The following SGK3 variants were observed in gnomAD, a reference collection of about 807,000 sequenced individuals.
The protein encoded by SGK3 is serine/threonine-protein kinase Sgk3.
In SGK3, 47 loss-of-function variants were observed where a neutral mutation model predicts 68.5. That is an observed-to-expected ratio of 0.69 (90% CI 0.54 to 0.87). The LOEUF (loss-of-function observed/expected upper bound fraction) is 0.87, where lower values mean the gene tolerates loss of function less well. SGK3 is among the 40% of genes least tolerant of loss of function. The pLI is 0.00. For synonymous variants in SGK3, 181 were observed against 189.1 expected (o/e 0.96, Z 0.35); for missense variants, 479 against 575.5 (o/e 0.83, Z 1.72).
intron 1 of SGK3, among the ~76,000 whole-genome samples, chr8:66,727,208 C>G (rs574072140): frequency 2.0e-5 from 3 of 152,076 alleles, no homozygotes; most frequent in South Asian, 4.2e-4. Flanking sequence ...CTCAAGTGAC[C>G]CTCCCACCTA....
chr8:66,836,387 A>G (rs959537716), intron 10 of SGK3, among the ~76,000 whole-genome samples: 7 of 152,234 alleles, frequency 4.6e-5, no homozygotes, highest in Non-Finnish European at 8.8e-5. Context: ...AATTTAGGCA[A>G]TTATCTCAAC....
intron 1 of SGK3, among the ~76,000 whole-genome samples, chr8:66,732,734 A>G (rs1022779400): frequency 5.9e-5 from 9 of 152,180 alleles, no homozygotes; most frequent in Admixed American, 4.6e-4. Context: ...AATCCCAGCT[A>G]CTCAGGAGGC....
intron 1 of SGK3, among the ~76,000 whole-genome samples, chr8:66,744,481 G>GTATA (rs1805570127): frequency 2.7e-5 from 2 of 73,570 alleles, no homozygotes; most frequent in African/African-American, 7.6e-5. Flanking sequence ...ATGTGTGTGT[G>GTATA]TGTATATATA....
chr8:66,739,910 A>C (rs13258114), intron 1 of SGK3, among the ~76,000 whole-genome samples: 1 of 152,166 alleles, frequency 6.6e-6, no homozygotes, highest in Non-Finnish European at 1.5e-5. Flanking sequence ...ACTTACTATC[A>C]TGAGAACAGC....
At chr8:66,793,875 A>G (rs746791326) in intron 2 of SGK3, 43 bp downstream of exon 2, 1 of 1,585,836 alleles carries the variant, frequency 6.3e-7, no homozygotes, top group South Asian at 1.1e-5. Flanking sequence ...AGTTGAATGT[A>G]GAGAATATTT....
intron 1 of SGK3, among the ~76,000 whole-genome samples, chr8:66,772,319 C>T (rs2130492506): frequency 6.6e-6 from 1 of 150,632 alleles, no homozygotes; most frequent in Middle Eastern, 3.5e-3. Flanking sequence ...AACACCAAGG[C>T]TCAAGAAATC....
intron 1 of SGK3, among the ~76,000 whole-genome samples, chr8:66,723,100 T>TAC (rs1804849773): frequency 3.7e-5 from 1 of 27,350 alleles, no homozygotes; most frequent in African/African-American, 2.0e-4. Context: ...CATATATATA[T>TAC]ATATATATAT....
intron 1 of SGK3, among the ~76,000 whole-genome samples, chr8:66,746,551 G>T (rs948875258): frequency 6.6e-6 from 1 of 151,868 alleles, no homozygotes; most frequent in African/African-American, 2.4e-5. Context: ...GCAAGATCCT[G>T]TCTCTACATT....
At position 66,744,502 on chromosome 8, in the gene SGK3, TATATATATATATATA is replaced by T. The variant is rs1174810086; in HGVS notation, c.-122+31670_-122+31684del. On this transcript the variant is annotated intron_variant, in intron 1 of 16. Transcript: ENST00000521198. ...GTGTGTGTATATATATATATATATA[TATATATATATATATA>T]TATTTTTTTTTTTTTTTTTTTTTTT... 2.0e-3 allele frequency among the ~76,000 whole-genome samples: 67 copies of T among 34,152 alleles called. 2 individuals are homozygous for T. Among genetic ancestry groups the T allele is most frequent in the South Asian group, 5.0e-3 (4 of 806 alleles). The allele number at this position is 34,152 out of a possible 152,430, so 22.4% of individuals were successfully genotyped here.
chr8:66,801,216 TCTGAAAC>T (rs992222199), intron 3 of SGK3, among the ~76,000 whole-genome samples: 6 of 152,226 alleles, frequency 3.9e-5, no homozygotes, highest in African/African-American at 1.4e-4. Context: ...AAATCTGAAA[TCTGAAAC>T]GCCCCAGTGA....
At chr8:66,852,007 C>T (rs563196803) in intron 16 of SGK3, among the ~76,000 whole-genome samples, 14 of 152,186 alleles carry the variant, frequency 9.2e-5, no homozygotes, top group Admixed American at 2.0e-4. Flanking sequence ...CCAATATATG[C>T]GTGATTCCAG....
intron 4 of SGK3, among the ~76,000 whole-genome samples, chr8:66,805,373 G>A (rs1438730446): frequency 6.6e-6 from 1 of 151,968 alleles, no homozygotes; most frequent in African/African-American, 2.4e-5. Flanking sequence ...CAAAAAATTA[G>A]CCGGGCATGA....
intron 1 of SGK3, among the ~76,000 whole-genome samples, chr8:66,764,860 G>T (rs948315294): frequency 6.6e-6 from 1 of 152,056 alleles, no homozygotes; most frequent in Non-Finnish European, 1.5e-5. Flanking sequence ...TGTTTTCAAG[G>T]TTCATTCATT....
At chr8:66,813,780 CTATTATA>C (rs1349407155) in intron 4 of SGK3, 66 bp from the exon 5 acceptor site, 1 of 1,301,432 alleles carries the variant, frequency 7.7e-7, no homozygotes, top group Non-Finnish European at 1.0e-6. Flanking sequence ...TTGTGCTTGT[CTATTATA>C]TAACTGTTGA....
chr8:66,714,032 C>G lies in SGK3; in HGVS notation c.-122+1199C>G, dbSNP rs112165037. On this transcript the variant is annotated intron_variant, in intron 1 of 16. Coordinates refer to ENST00000521198, the MANE Select transcript of SGK3 (RefSeq NM_001033578.3). ...ATGGTCTCTTTCAACTGCCGTTGTG[C>G]CCATCGGCTAACTCTGGAGACACCA... is the stretch of plus-strand genomic sequence containing the variant. 3.9e-3 allele frequency among the ~76,000 whole-genome samples: 587 copies of G among 152,292 alleles called. 5 individuals are homozygous for G. Among genetic ancestry groups the G allele is most frequent in the African/African-American group, 0.013 (534 of 41,552 alleles).
chr8:66,813,043 C>G (rs1234282519), intron 4 of SGK3, among the ~76,000 whole-genome samples: 1 of 152,150 alleles, frequency 6.6e-6, no homozygotes, highest in Non-Finnish European at 1.5e-5. Context: ...TGCTTGAGCC[C>G]AGGAGTTCAA....
intron 1 of SGK3, among the ~76,000 whole-genome samples, chr8:66,774,826 G>T (rs1431050909): frequency 6.6e-6 from 1 of 151,998 alleles, no homozygotes; most frequent in Non-Finnish European, 1.5e-5. Context: ...CCCTGAATTC[G>T]TGTGTGACTC....
chr8:66,782,193 T>G (rs1246113854), intron 1 of SGK3, among the ~76,000 whole-genome samples: 1 of 152,218 alleles, frequency 6.6e-6, no homozygotes, highest in African/African-American at 2.4e-5. Flanking sequence ...GAAGGTGCTT[T>G]TAATGTAACT....
At chr8:66,821,967 G>T in intron 5 of SGK3, among the ~76,000 whole-genome samples, 1 of 137,118 alleles carries the variant, frequency 7.3e-6, no homozygotes, top group East Asian at 2.1e-4. Context: ...AACAATATTT[G>T]AACATTTCTC....
Sources: allele counts gnomAD v4.1 joint callset (sites outside exome capture counted in the v4.1 genomes callset), GRCh38; gene constraint gnomAD v4.1.1; transcripts MANE v1.5; gene names NCBI Gene and HGNC (gene_info 2026-07-23, HGNC 2026-07-21).